KIAA1614: variants seen among roughly 807,000 people sequenced by gnomAD.
KIAA1614 encodes the protein uncharacterized protein KIAA1614.
In KIAA1614, 76 loss-of-function variants were observed where a neutral mutation model predicts 88.7. That is an observed-to-expected ratio of 0.86 (90% CI 0.71 to 1.04). The LOEUF is 1.04. Ranked by LOEUF, KIAA1614 falls within the 50% of genes least tolerant of loss-of-function variation. The pLI is 0.00. For missense variants in KIAA1614, 1,553 were observed against 1,582.5 expected (o/e 0.98, Z 0.32); for synonymous variants, 714 against 675.5 (o/e 1.06, Z -0.88).
intron 3 of KIAA1614, among the ~76,000 whole-genome samples, chr1:180,920,721 G>GGC (rs3079778): frequency 0.28 from 42,806 of 151,766 alleles, 6,524 homozygotes; most frequent in South Asian, 0.45. Flanking sequence ...GCGGGCTGGG[G>GGC]GCGGGCTGGG....
chr1:180,950,727 G>A lies in KIAA1614; in HGVS notation c.*5139G>A, dbSNP rs566457352. On this transcript the variant is annotated 3_prime_UTR_variant, in exon 9 of 9. Coordinates refer to ENST00000367588, the MANE Select transcript of KIAA1614 (RefSeq NM_020950.2). ...CGCAAGGAGCCTGTTTGCATATTTT[G>A]TTTAAGGCCATTTATCCAGAACTAG... The A allele has an allele frequency of 1.2e-5, 2 of 162,076 alleles. No homozygotes were observed. Among genetic ancestry groups the A allele is most frequent in the Non-Finnish European group, 2.6e-5 (2 of 76,860 alleles). 10.0% of individuals were successfully genotyped at this position (162,076 alleles called of 1,614,324 possible).
rs1355690843 is a variant in KIAA1614, at chr1:180,943,548, ATCTT to A, written c.3160-839_3160-836del. Reference sequence around the variant, plus strand: ...GGATTGTAGGATTGAATGGTAGTAGATCTTTTTTTTTTTTTTTTGAGACAGGGTC... The same window carrying A: ...GGATTGTAGGATTGAATGGTAGTAGATTTTTTTTTTTTTTGAGACAGGGTC... On this transcript the variant is annotated intron_variant, in intron 7 of 8. Transcript: ENST00000367588. 2.7e-4 allele frequency among the ~76,000 whole-genome samples: 20 copies of A among 74,886 alleles called. 2 individuals are homozygous for A. Among genetic ancestry groups the A allele is most frequent in the African/African-American group, 9.0e-4 (16 of 17,738 alleles). The allele number at this position is 74,886 out of a possible 152,430, so 49.1% of individuals were successfully genotyped here.
Position 180,917,870 on chromosome 1 carries a change from G to A in KIAA1614, c.1017G>A (p.Val339=), listed in dbSNP as rs888394637. The A allele has an allele frequency of 6.2e-7, 1 of 1,613,982 alleles. No homozygotes were observed. Among genetic ancestry groups the A allele is most frequent in the Non-Finnish European group, 8.5e-7 (1 of 1,179,972 alleles). ...TCCTAGAGCGACCAGTGGGGGATGT[G>A]GACTGGGCCTCGGGCACCTCCTTGC... ...TAAPERPVGD[V]DWASGTSLQD... is the part of the protein sequence containing the mutation. The change falls in exon 3 of 9, where the codon GTG becomes GTA. Residue 339 remains valine, a synonymous_variant. Transcript: ENST00000367588.
Position 180,948,296 on chromosome 1 carries a change from C to G in KIAA1614, c.*2708C>G, listed in dbSNP as rs777549773. 1 of 152,204 alleles carries G rather than the reference C, an allele frequency of 6.6e-6. No individual in the cohort carries two copies. The highest frequency in any genetic ancestry group is 1.5e-5 in the Non-Finnish European group (1 of 68,054). 9.4% of individuals were successfully genotyped at this position (152,204 alleles called of 1,614,324 possible). On this transcript the variant is annotated 3_prime_UTR_variant, in exon 9 of 9. Coordinates refer to ENST00000367588, the MANE Select transcript of KIAA1614 (RefSeq NM_020950.2). ...GGCTGGCTTGCGCCCCGCACTGAAC[C>G]GGCAGGATGCTGGTATTAACTTGCT...
chr1:180,943,622 C>T (rs181600321), intron 7 of KIAA1614, among the ~76,000 whole-genome samples: 1 of 127,756 alleles, frequency 7.8e-6, no homozygotes, highest in Non-Finnish European at 1.6e-5. Flanking sequence ...GATTTCAGCT[C>T]ACTGCAACCT....
chr1:180,916,236 G>C lies in KIAA1614; in HGVS notation c.133G>C (p.Asp45His). The change falls in exon 2 of 9, where the codon GAT becomes CAT. Residue 45 changes from aspartate to histidine, a missense_variant. Coordinates refer to ENST00000367588, the MANE Select transcript of KIAA1614 (RefSeq NM_020950.2). ...VEWSGPEPQL[D>H]NGHPPRPWPC... ...GTGGAGTGGTCCTGAGCCACAGCTG[G>C]ATAACGGACACCCCCCAAGACCCTG... The C allele has an allele frequency of 6.2e-7, 1 of 1,613,438 alleles. No homozygotes were observed. Among genetic ancestry groups the C allele is most frequent in the Non-Finnish European group, 8.5e-7 (1 of 1,179,940 alleles).
chr1:180,914,566 T>G (rs759281744), intron 1 of KIAA1614, among the ~76,000 whole-genome samples: 9 of 152,032 alleles, frequency 5.9e-5, no homozygotes, highest in Non-Finnish European at 1.3e-4. Context: ...TTTCTTTTTT[T>G]TGAGACAGAG....
At chr1:180,943,696 C>T (rs1373830182) in intron 7 of KIAA1614, among the ~76,000 whole-genome samples, 2 of 151,208 alleles carry the variant, frequency 1.3e-5, no homozygotes, top group African/African-American at 4.9e-5. Context: ...TACAGGCACC[C>T]GCCACCATGC....
Position 180,945,716 on chromosome 1 carries a change from T to G in KIAA1614, c.*128T>G. On this transcript the variant is annotated 3_prime_UTR_variant, in exon 9 of 9. Transcript: ENST00000367588. ...CTGCAGAGCCTTTGCCCTAGGCAACTGCAGCTGAGAGTGCGTTGGTGGGGA... is the reference window on the plus strand; with the variant it reads ...CTGCAGAGCCTTTGCCCTAGGCAACGGCAGCTGAGAGTGCGTTGGTGGGGA... 3.6e-6 allele frequency: 5 copies of G among 1,401,036 alleles called. 1 individual carries two copies. The South Asian group carries it at 8.5e-5, about 24-fold the overall frequency. The allele number at this position is 1,401,036 out of a possible 1,614,324, so 86.8% of individuals were successfully genotyped here. A position where few individuals can be genotyped will look rare whatever the true frequency, so the allele number is the denominator to read the frequency against.
rs779073618 is a variant in KIAA1614 at position 180,950,347 on chromosome 1, C to T, written c.*4759C>T. 1.7e-5 allele frequency: 20 copies of T among 1,211,074 alleles called. No individual in the cohort carries two copies. Among genetic ancestry groups the T allele is most frequent in the African/African-American group, 1.3e-4 (8 of 61,482 alleles). 75.0% of individuals were successfully genotyped at this position (1,211,074 alleles called of 1,614,324 possible). A position where few individuals can be genotyped will look rare whatever the true frequency, so the allele number is the denominator to read the frequency against. ...TCCTGTTTTCCTCTGCAGGGATCTA[C>T]GTGCAGGAGATGGCTGACATGAGCA... is the stretch of plus-strand genomic sequence containing the variant. On this transcript the variant is annotated 3_prime_UTR_variant, in exon 9 of 9. Coordinates refer to ENST00000367588, the MANE Select transcript of KIAA1614 (RefSeq NM_020950.2).
Position 180,945,732 on chromosome 1 carries a change from TTGG to T in KIAA1614, c.*148_*150del. On this transcript the variant is annotated 3_prime_UTR_variant, in exon 9 of 9. Coordinates refer to ENST00000367588, the MANE Select transcript of KIAA1614 (RefSeq NM_020950.2). ...CTAGGCAACTGCAGCTGAGAGTGCG[TTGG>T]TGGGGAGTGTGCGGGAGGGGGTAGA... 7.2e-7 allele frequency: 1 copy of T among 1,392,654 alleles called. No homozygotes were observed. Among genetic ancestry groups the T allele is most frequent in the Non-Finnish European group, 9.2e-7 (1 of 1,084,342 alleles). The allele number at this position is 1,392,654 out of a possible 1,614,324, so 86.3% of individuals were successfully genotyped here.
In KIAA1614 at chr1:180,945,105, T is replaced by TG. The variant is rs966439279; in HGVS notation, c.3288-192dup. On this transcript the variant is annotated intron_variant, in intron 8 of 8. Transcript: ENST00000367588. Reference sequence around the variant, plus strand: ...GGGTTTCTAGTTCCACAGCAGGCCTTGGGGGGCCTTGCACAGCGGCGGAAA... The same window carrying TG: ...GGGTTTCTAGTTCCACAGCAGGCCTTGGGGGGGCCTTGCACAGCGGCGGAAA... 3.0e-5 allele frequency: 17 copies of TG among 560,990 alleles called. No homozygotes were observed. In the Admixed American group the frequency reaches 3.2e-4, roughly 10 times the overall value. The allele number at this position is 560,990 out of a possible 1,614,324, so 34.8% of individuals were successfully genotyped here. A position where few individuals can be genotyped will look rare whatever the true frequency, so the allele number is the denominator to read the frequency against.
Position 180,950,536 on chromosome 1 carries a change from C to T in KIAA1614, c.*4948C>T. 1 of 1,094,052 alleles carries T rather than the reference C, an allele frequency of 9.1e-7. No homozygotes were observed. Among genetic ancestry groups the T allele is most frequent in the Non-Finnish European group, 1.1e-6 (1 of 889,350 alleles). 67.8% of individuals were successfully genotyped at this position (1,094,052 alleles called of 1,614,324 possible). ...GGCAGAGACCTGTCCCACGGTGACCCAGAAGTGCCGCTGCCCTCACTGTCA... is the reference window on the plus strand; with the variant it reads ...GGCAGAGACCTGTCCCACGGTGACCTAGAAGTGCCGCTGCCCTCACTGTCA... On this transcript the variant is annotated 3_prime_UTR_variant, in exon 9 of 9. Coordinates refer to ENST00000367588, the MANE Select transcript of KIAA1614 (RefSeq NM_020950.2).
In KIAA1614 at chr1:180,931,855, C is replaced by T. The variant is rs947179448; in HGVS notation, c.1206-3260C>T. ...CCACATCCTGCCAGCGGACAGGGCA[C>T]TAGCTTTTGGGGCCTGTGGAGGGGT... On this transcript the variant is annotated intron_variant, in intron 4 of 8. Transcript: ENST00000367588. Among the ~76,000 whole-genome samples the T allele has an allele frequency of 2.6e-5, 4 of 152,300 alleles. No individual in the cohort carries two copies. In the East Asian group the frequency reaches 7.7e-4, roughly 29 times the overall value.
intron 8 of KIAA1614, chr1:180,944,761 G>T: frequency 2.8e-6 from 1 of 363,096 alleles, no homozygotes; most frequent in South Asian, 4.4e-5. Flanking sequence ...AGAGTTGGCC[G>T]GTTTGATTCC....
chr1:180,922,940 A>G (rs1486219139), intron 3 of KIAA1614, among the ~76,000 whole-genome samples: 1 of 152,196 alleles, frequency 6.6e-6, no homozygotes, highest in Admixed American at 6.5e-5. Flanking sequence ...CCAGCTATAA[A>G]TCGGGGTTCC....
At chr1:180,923,105 C>A (rs1018139315) in intron 3 of KIAA1614, among the ~76,000 whole-genome samples, 1 of 152,156 alleles carries the variant, frequency 6.6e-6, no homozygotes, top group African/African-American at 2.4e-5. Context: ...AGATGGGGCA[C>A]CACCCCCCAG....
chr1:180,924,026 G>A (rs775365452), intron 3 of KIAA1614, among the ~76,000 whole-genome samples: 4 of 151,724 alleles, frequency 2.6e-5, no homozygotes, highest in Non-Finnish European at 5.9e-5. Context: ...TACTTAACAC[G>A]CTCCCAGTGT....
intron 1 of KIAA1614, among the ~76,000 whole-genome samples, chr1:180,915,044 T>A (rs547792940): frequency 2.6e-5 from 4 of 152,280 alleles, no homozygotes. Context: ...CCTCAAGTGA[T>A]CCACCCGCCT....
Sources: allele counts gnomAD v4.1 joint callset (sites outside exome capture counted in the v4.1 genomes callset), GRCh38; gene constraint gnomAD v4.1.1; transcripts MANE v1.5; gene names NCBI Gene and HGNC (gene_info 2026-07-23, HGNC 2026-07-21).